Variants in RALGAPA2 observed in about 807,000 individuals in gnomAD.
RALGAPA2 encodes ral GTPase-activating protein subunit alpha-2.
In RALGAPA2, 139 loss-of-function variants were observed where a neutral mutation model predicts 230.4. That is an observed-to-expected ratio of 0.60 (90% confidence interval 0.53 to 0.69). The LOEUF (loss-of-function observed/expected upper bound fraction) is 0.69, where lower values mean the gene tolerates loss of function less well. Ranked by LOEUF, RALGAPA2 falls within the 30% of genes least tolerant of loss-of-function variation. The pLI is 0.00. For synonymous variants in RALGAPA2, 847 were observed against 837.8 expected, an observed-to-expected ratio of 1.01 and a Z score of -0.19; for missense variants, 2,163 against 2,276.0, an observed-to-expected ratio of 0.95 and a Z score of 1.01.
chr20:20,711,947 G>GC (rs2069889843), intron 1 of RALGAPA2, among the ~76,000 whole-genome samples: 1 of 152,092 alleles, frequency 6.6e-6, no homozygotes, highest in South Asian at 2.1e-4. Context: ...TTAGGTCTGT[G>GC]CTGGGTTCAC....
intron 37 of RALGAPA2, among the ~76,000 whole-genome samples, chr20:20,459,766 G>A (rs183146595): frequency 6.6e-6 from 1 of 152,308 alleles, no homozygotes; most frequent in East Asian, 1.9e-4. Flanking sequence ...TCAAGTTATA[G>A]ATGACACACA....
chr20:20,407,274 G>A (rs920130491), intron 38 of RALGAPA2, among the ~76,000 whole-genome samples: 4 of 152,306 alleles, frequency 2.6e-5, no homozygotes, highest in African/African-American at 9.6e-5. Context: ...AATTAAAACC[G>A]TATTAAGACC....
intron 23 of RALGAPA2, among the ~76,000 whole-genome samples, chr20:20,549,505 T>G (rs2063865447): frequency 6.6e-6 from 1 of 151,726 alleles, no homozygotes; most frequent in Admixed American, 6.6e-5. Flanking sequence ...CTGTGTGAAG[T>G]CGCCAAAGAC....
chr20:20,456,179 A>C (rs2061114011), intron 37 of RALGAPA2, among the ~76,000 whole-genome samples: 1 of 152,248 alleles, frequency 6.6e-6, no homozygotes, highest in South Asian at 2.1e-4. Flanking sequence ...GTAATTACAT[A>C]AATGGCACTA....
chr20:20,580,205 T>C (rs935685215), intron 20 of RALGAPA2, among the ~76,000 whole-genome samples: 2 of 152,200 alleles, frequency 1.3e-5, no homozygotes, highest in African/African-American at 4.8e-5. Context: ...CAGAACTAAA[T>C]GTATGCATGT....
At chr20:20,676,355 TA>T in intron 2 of RALGAPA2, 67 bp from the exon 3 acceptor site, 4 of 1,102,420 alleles carry the variant, frequency 3.6e-6, no homozygotes, top group Admixed American at 2.4e-5. Flanking sequence ...CAAATTATGC[TA>T]AAAGGCAGCT....
chr20:20,573,288 T>C (rs1022424319), intron 20 of RALGAPA2, among the ~76,000 whole-genome samples: 5 of 152,138 alleles, frequency 3.3e-5, no homozygotes, highest in African/African-American at 4.8e-5. Flanking sequence ...AGACATGACA[T>C]AACAGTTCCT....
At chr20:20,547,238 A>C (rs1263997566) in intron 23 of RALGAPA2, among the ~76,000 whole-genome samples, 1 of 152,258 alleles carries the variant, frequency 6.6e-6, no homozygotes, top group African/African-American at 2.4e-5. Flanking sequence ...GTTACATTAA[A>C]ATATCTTAAA....
chr20:20,697,179 G>A (rs2069147392), intron 1 of RALGAPA2, among the ~76,000 whole-genome samples: 1 of 152,152 alleles, frequency 6.6e-6, no homozygotes, highest in Non-Finnish European at 1.5e-5. Flanking sequence ...GACTTAAAGA[G>A]TGGTCAATCC....
At chr20:20,527,772 C>T (rs2063255292) in intron 27 of RALGAPA2, among the ~76,000 whole-genome samples, 1 of 152,138 alleles carries the variant, frequency 6.6e-6, no homozygotes, top group Admixed American at 6.5e-5. Flanking sequence ...AGCATGGCCC[C>T]CTTAAGGATG....
At chr20:20,526,220 T>C (rs769853626) in intron 28 of RALGAPA2, 32 bp downstream of exon 28, 5 of 1,396,970 alleles carry the variant, frequency 3.6e-6, no homozygotes, top group African/African-American at 2.9e-5. Flanking sequence ...AGGAAATGCT[T>C]ATGTTTTAGT....
At chr20:20,458,171 T>C (rs1418037039) in intron 37 of RALGAPA2, among the ~76,000 whole-genome samples, 1 of 152,120 alleles carries the variant, frequency 6.6e-6, no homozygotes, top group Non-Finnish European at 1.5e-5. Context: ...AGAGAGTAAC[T>C]GCTATTTGAA....
chr20:20,557,979 T>C (rs1162653481), intron 23 of RALGAPA2, among the ~76,000 whole-genome samples: 3 of 152,020 alleles, frequency 2.0e-5, no homozygotes, highest in Non-Finnish European at 4.4e-5. Flanking sequence ...GGGCCTCATA[T>C]ATAGTGCACA....
rs16981926 is a variant in RALGAPA2 at position 20,443,143 on chromosome 20, T to C, written c.5495+29686A>G. Among the ~76,000 whole-genome samples the C allele has an allele frequency of 8.6e-3, 1,306 of 152,352 alleles. 17 individuals are homozygous for C. Among genetic ancestry groups the C allele is most frequent in the African/African-American group, 0.03 (1,241 of 41,576 alleles). ...TATCCACGTTTTCCTTAAAGCTGCA[T>C]AGTTTTTATACTTTTAACCCTTTGA... is the stretch of plus-strand genomic sequence containing the variant. On this transcript the variant is annotated intron_variant, in intron 37 of 39. Coordinates refer to ENST00000202677, the MANE Select transcript of RALGAPA2 (RefSeq NM_020343.4).
At chr20:20,468,787 A>C (rs2061475967) in intron 37 of RALGAPA2, among the ~76,000 whole-genome samples, 1 of 150,520 alleles carries the variant, frequency 6.6e-6, no homozygotes. Flanking sequence ...CATTCTCTCC[A>C]CACCCCCACA....
chr20:20,671,945 G>T (rs941940919), intron 3 of RALGAPA2, among the ~76,000 whole-genome samples: 1 of 152,146 alleles, frequency 6.6e-6, no homozygotes, highest in African/African-American at 2.4e-5. Context: ...GGAGCAAAGA[G>T]GGAAGAAGAA....
At chr20:20,648,554 GA>G (rs1027464948) in intron 4 of RALGAPA2, among the ~76,000 whole-genome samples, 24 of 151,538 alleles carry the variant, frequency 1.6e-4, no homozygotes, top group African/African-American at 3.6e-4. Context: ...TTTAATATAA[GA>G]AAAAAAGATC....
At chr20:20,452,682 G>A (rs1260317677) in intron 37 of RALGAPA2, among the ~76,000 whole-genome samples, 1 of 152,226 alleles carries the variant, frequency 6.6e-6, no homozygotes, top group Non-Finnish European at 1.5e-5. Context: ...TGCAATGTCG[G>A]CCGGCATGTT....
chr20:20,643,648 A>G (rs1298417875), intron 4 of RALGAPA2, 99 bp from the exon 5 acceptor site: 1 of 1,136,352 alleles, frequency 8.8e-7, no homozygotes, highest in African/African-American at 1.6e-5. Context: ...TATACTTTTT[A>G]AAAATAAAAG....
Sources: allele counts gnomAD v4.1 joint callset (sites outside exome capture counted in the v4.1 genomes callset), GRCh38; gene constraint gnomAD v4.1.1; transcripts MANE v1.5; gene names NCBI Gene and HGNC (gene_info 2026-07-23, HGNC 2026-07-21).